Variants in SOS1 observed in about 807,000 individuals in gnomAD.
SOS1 encodes the protein son of sevenless homolog 1.
Under a neutral mutation model 157.6 loss-of-function variants are expected in SOS1, and 25 were observed. That is an observed-to-expected ratio of 0.16 (90% CI 0.12 to 0.22). SOS1 has a LOEUF of 0.22. Ranked by LOEUF, SOS1 falls within the 10% of genes least tolerant of loss-of-function variation. The pLI is 1.00. For missense variants in SOS1, 1,237 were observed against 1,599.1 expected (o/e 0.77, Z 3.86); for synonymous variants, 528 against 534.0 (o/e 0.99, Z 0.16).
At chr2:39,021,377 T>C (rs1669789738) in intron 10 of SOS1, among the ~76,000 whole-genome samples, 2 of 151,602 alleles carry the variant, frequency 1.3e-5, no homozygotes, top group Non-Finnish European at 3.0e-5. Flanking sequence ...CTTTGTGAAA[T>C]ATAGCAATTT....
At chr2:39,092,212 T>A (rs1489987871) in intron 1 of SOS1, among the ~76,000 whole-genome samples, 1 of 152,152 alleles carries the variant, frequency 6.6e-6, no homozygotes, top group African/African-American at 2.4e-5. Context: ...TTCTTTTTTC[T>A]TTTTGGAGAC....
At chr2:39,120,315 G>T in intron 1 of SOS1, 21 bp downstream of exon 1, 2 of 1,559,236 alleles carry the variant, frequency 1.3e-6, no homozygotes, top group Non-Finnish European at 8.7e-7. Flanking sequence ...GCCGGGAAGC[G>T]GGGTCCCGCG....
chr2:39,060,707 G>A (rs955233969), intron 2 of SOS1, among the ~76,000 whole-genome samples: 3 of 152,220 alleles, frequency 2.0e-5, no homozygotes, highest in African/African-American at 7.2e-5. Flanking sequence ...TTACAGGTGT[G>A]AGCCACTGTG....
Position 39,024,039 on chromosome 2 carries a change from A to G in SOS1, c.1173T>C (p.Cys391=), listed in dbSNP as rs1335933720. ...LNVQSGMEKI[C]SKSLAKRRLS... The stretch of plus-strand genomic sequence containing the variant: ...GTCTTCGTTTTGCAAGACTTTTAGA[A>G]CATATTTTTTCCATACCACTCTGAA... Residue 391 remains cysteine (C), a synonymous_variant, in exon 9 of 23, where the codon TGT becomes TGC. Coordinates refer to ENST00000402219, the MANE Select transcript of SOS1 (RefSeq NM_005633.4). 1 of 1,602,314 alleles carries G rather than the reference A, an allele frequency of 6.2e-7. No individual in the cohort carries two copies. Among genetic ancestry groups the G allele is most frequent in the South Asian group, 1.1e-5 (1 of 90,800 alleles).
intron 13 of SOS1, among the ~76,000 whole-genome samples, chr2:39,012,878 G>C (rs996086581): frequency 2.0e-5 from 3 of 151,958 alleles, no homozygotes; most frequent in African/African-American, 7.3e-5. Context: ...TTATCATTTA[G>C]AGCATACAAA....
Position 39,023,007 on chromosome 2 carries a change from T to C in SOS1, c.1421A>G (p.Asn474Ser), listed in dbSNP as rs776796335. ...ACCAGGAAGTCTTGGCTGCCCATGA[T>C]TTGATTTACAGCAAATCATTAAGCC... ...FDGLMICCKS[N>S]HGQPRLPGAS... Residue 474 changes from asparagine (N) to serine (S), a missense_variant, in exon 10 of 23, where the codon AAT becomes AGT. Physicochemically the swap from Asn to Ser is conservative, Grantham distance 46 (BLOSUM62 1). Around this residue, in one of 15 missense-constraint regions of SOS1, gnomAD observed 210 missense variants for 220.2 expected, o/e 0.95. Transcript: ENST00000402219. The C allele has an allele frequency of 2.5e-6, 4 of 1,613,724 alleles. No homozygotes were observed. Among genetic ancestry groups the C allele is most frequent in the Non-Finnish European group, 3.4e-6 (4 of 1,179,832 alleles).
chr2:39,003,586 CTT>C (rs1669181514), intron 17 of SOS1, among the ~76,000 whole-genome samples: 1 of 152,122 alleles, frequency 6.6e-6, no homozygotes, highest in Non-Finnish European at 1.5e-5. Context: ...TTAAAGGTAA[CTT>C]AATGAATACC....
intron 8 of SOS1, among the ~76,000 whole-genome samples, chr2:39,030,244 G>GAAAAA (rs60498470): frequency 8.0e-6 from 1 of 125,624 alleles, no homozygotes; most frequent in Non-Finnish European, 1.6e-5. Context: ...AAAGAAAACA[G>GAAAAA]AAAAAAAAAA....
At chr2:39,052,452 C>T (rs1176983451) in intron 5 of SOS1, among the ~76,000 whole-genome samples, 1 of 152,092 alleles carries the variant, frequency 6.6e-6, no homozygotes, top group Non-Finnish European at 1.5e-5. Flanking sequence ...TTCTTTGTCC[C>T]CCATTTCCAT....
chr2:39,085,969 A>T (rs1672352846), intron 1 of SOS1, among the ~76,000 whole-genome samples: 1 of 152,232 alleles, frequency 6.6e-6, no homozygotes, highest in African/African-American at 2.4e-5. Context: ...AAAAAGGTTA[A>T]GTGTGGGCTA....
intron 17 of SOS1, among the ~76,000 whole-genome samples, chr2:39,002,420 A>AT (rs1366971934): frequency 6.6e-6 from 1 of 152,182 alleles, no homozygotes; most frequent in Non-Finnish European, 1.5e-5. Flanking sequence ...AATACCAACC[A>AT]TTAGGATGTT....
rs1272144149 is a variant in SOS1, at chr2:39,120,476, G to A, written c.-54C>T. 5 of 1,471,906 alleles carry A rather than the reference G, an allele frequency of 3.4e-6. No individual in the cohort carries two copies. Among genetic ancestry groups the A allele is most frequent in the South Asian group, 2.6e-5 (2 of 77,910 alleles). 91.2% of individuals were successfully genotyped at this position (1,471,906 alleles called of 1,614,324 possible). ...AGAGGGGCGGCGGCGGCCGGGCCAGGGAGCCGCGAGAGGGCGAGCTCGCAG... is the reference window on the plus strand; with the variant it reads ...AGAGGGGCGGCGGCGGCCGGGCCAGAGAGCCGCGAGAGGGCGAGCTCGCAG... On this transcript the variant is annotated 5_prime_UTR_variant, in exon 1 of 23. Transcript: ENST00000402219.
chr2:39,101,276 C>T (rs1421654690), intron 1 of SOS1, among the ~76,000 whole-genome samples: 2 of 152,124 alleles, frequency 1.3e-5, no homozygotes, highest in Non-Finnish European at 2.9e-5. Context: ...ATGGTACCAA[C>T]CCATTCATGA....
At chr2:39,025,199 G>A (rs1303839736) in intron 8 of SOS1, among the ~76,000 whole-genome samples, 1 of 152,068 alleles carries the variant, frequency 6.6e-6, no homozygotes. Flanking sequence ...AAGCCTACGA[G>A]TTTGAGATAC....
chr2:39,080,183 T>C (rs575298565), intron 1 of SOS1, among the ~76,000 whole-genome samples: 2 of 151,168 alleles, frequency 1.3e-5, no homozygotes, highest in South Asian at 4.2e-4. Flanking sequence ...TGGTCCCATA[T>C]GGGGGGGAAT....
intron 8 of SOS1, among the ~76,000 whole-genome samples, chr2:39,033,125 C>A (rs1323218178): frequency 2.1e-5 from 3 of 142,124 alleles, no homozygotes; most frequent in Non-Finnish European, 3.0e-5. Flanking sequence ...GGCTGAAGTG[C>A]AATGGCGTGA....
intron 1 of SOS1, among the ~76,000 whole-genome samples, 192 bp from the exon 2 acceptor site, chr2:39,067,945 CCT>C (rs1195997111): frequency 1.3e-5 from 2 of 152,080 alleles, no homozygotes; most frequent in Admixed American, 6.5e-5. Context: ...ATGGTGAAAC[CCT>C]GTCTCCATTA....
At position 38,986,227 on chromosome 2, in the gene SOS1, T is replaced by G. The variant is rs753412784; in HGVS notation, c.3599A>C (p.Asp1200Ala). Reference protein sequence around the residue: ...KAYSPRYSISDRTSISDPPES... With the variant: ...KAYSPRYSISARTSISDPPES... ...AGGAGGGTCTGAGATAGAGGTCCGG[T>G]CTGATATTGAATATCGTGGTGAATA... The change falls in exon 23 of 23, where the codon GAC becomes GCC. Residue 1200 changes from aspartate (D) to alanine (A), a missense_variant. Physicochemically the swap from Asp to Ala is moderately radical, Grantham distance 126. Transcript: ENST00000402219. 6.8e-6 allele frequency: 11 copies of G among 1,613,798 alleles called. No individual in the cohort carries two copies. The Admixed American group carries it at 1.7e-4, about 24-fold the overall frequency.
At chr2:39,112,023 T>C (rs1370829056) in intron 1 of SOS1, among the ~76,000 whole-genome samples, 1 of 151,892 alleles carries the variant, frequency 6.6e-6, no homozygotes, top group Non-Finnish European at 1.5e-5. Flanking sequence ...AATATAACAA[T>C]TGTCATCATC....
Sources: gnomAD v4.1 joint callset for allele counts (sites outside exome capture counted in the v4.1 genomes callset) on GRCh38, gnomAD v4.1.1 for gene constraint, gnomAD v4.1.1 regional missense constraint, MANE v1.5 for transcripts, NCBI Gene and HGNC (gene_info 2026-07-23, HGNC 2026-07-21) for gene names.